Variants in NHLRC2 observed in about 807,000 individuals in gnomAD.
NHLRC2 encodes the protein NHL repeat-containing protein 2.
A neutral mutation model predicts 68.1 loss-of-function variants in NHLRC2; 33 were observed. The ratio of observed to expected loss-of-function variants is 0.48; its 90% CI spans 0.37 to 0.65. NHLRC2 has a LOEUF of 0.65. Ranked by LOEUF, NHLRC2 falls within the 30% of genes least tolerant of loss-of-function variation. NHLRC2 has a pLI of 0.00. For missense variants in NHLRC2, 761 were observed against 853.8 expected, an observed-to-expected ratio of 0.89 and a Z score of 1.35; for synonymous variants, 311 against 309.6, an observed-to-expected ratio of 1.00 and a Z score of -0.05.
rs183244652 is a variant in NHLRC2 at position 113,908,621 on chromosome 10, G to T, written c.*85G>T. 6.6e-6 allele frequency: 9 copies of T among 1,358,318 alleles called. No homozygotes were observed. The East Asian group carries it at 1.7e-4, about 25-fold the overall frequency. 84.1% of individuals were successfully genotyped at this position (1,358,318 alleles called of 1,614,324 possible). A position where few individuals can be genotyped will look rare whatever the true frequency, so the allele number is the denominator to read the frequency against. On this transcript the variant is annotated 3_prime_UTR_variant, in exon 11 of 11. Transcript: ENST00000369301. ...TGTAATTTAAGGAAAGAAAACTTCAGTTCTGCCTCTGGATACCAAGATGCC... is the reference window on the plus strand; with the variant it reads ...TGTAATTTAAGGAAAGAAAACTTCATTTCTGCCTCTGGATACCAAGATGCC...
At chr10:113,891,384 T>A (rs1232927760) in intron 5 of NHLRC2, among the ~76,000 whole-genome samples, 1 of 152,194 alleles carries the variant, frequency 6.6e-6, no homozygotes, top group Non-Finnish European at 1.5e-5. Context: ...CGGGTAATGT[T>A]TTTGCTTTTA....
intron 5 of NHLRC2, among the ~76,000 whole-genome samples, chr10:113,891,088 A>T (rs907641758): frequency 3.9e-5 from 6 of 152,174 alleles, no homozygotes; most frequent in African/African-American, 1.4e-4. Flanking sequence ...GGGGATTACA[A>T]TTCAGATTAC....
At chr10:113,904,473 A>G (rs566340526) in intron 9 of NHLRC2, among the ~76,000 whole-genome samples, 4 of 152,310 alleles carry the variant, frequency 2.6e-5, no homozygotes, top group African/African-American at 9.6e-5. Flanking sequence ...GATGAATAAC[A>G]TCTTCTTATA....
intron 2 of NHLRC2, among the ~76,000 whole-genome samples, chr10:113,864,798 A>G (rs914505359): frequency 2.0e-5 from 3 of 151,846 alleles, no homozygotes; most frequent in South Asian, 4.1e-4. Context: ...GGAGGGTTAC[A>G]CTCAGTGGTT....
At chr10:113,863,194 AT>A (rs1564850184) in intron 2 of NHLRC2, among the ~76,000 whole-genome samples, 1 of 152,196 alleles carries the variant, frequency 6.6e-6, no homozygotes, top group African/African-American at 2.4e-5. Context: ...CGTATGGGAC[AT>A]TTTCCAGGAT....
intron 5 of NHLRC2, among the ~76,000 whole-genome samples, chr10:113,892,354 A>C (rs564363005): frequency 6.6e-6 from 1 of 152,296 alleles, no homozygotes; most frequent in Admixed American, 6.5e-5. Context: ...GTTTTAAAAA[A>C]TTTTTAATTT....
chr10:113,862,592 A>C lies in NHLRC2; in HGVS notation c.331+3912A>C, dbSNP rs180723659. ...GTCCCTCTTTGTCAATAATTACTTT[A>C]AATGTAAATGGATTAAGTCTTCTAA... On this transcript the variant is annotated intron_variant, in intron 2 of 10. Transcript: ENST00000369301. Among the ~76,000 whole-genome samples, 3 of 152,214 alleles carry C rather than the reference A, an allele frequency of 2.0e-5. No individual in the cohort carries two copies. In the East Asian group the frequency reaches 5.8e-4, roughly 29 times the overall value.
intron 5 of NHLRC2, among the ~76,000 whole-genome samples, chr10:113,888,053 G>T (rs540736595): frequency 6.6e-6 from 1 of 152,190 alleles, no homozygotes; most frequent in Non-Finnish European, 1.5e-5. Flanking sequence ...AACATAGCAA[G>T]ACACTATTTC....
intron 5 of NHLRC2, 71 bp downstream of exon 5, chr10:113,884,451 G>C: frequency 7.8e-7 from 1 of 1,278,510 alleles, no homozygotes; most frequent in South Asian, 1.3e-5. Context: ...TATTCTTGAG[G>C]TGGTCATTTG....
intron 2 of NHLRC2, among the ~76,000 whole-genome samples, chr10:113,867,799 A>G (rs901910575): frequency 6.6e-6 from 1 of 152,054 alleles, no homozygotes; most frequent in African/African-American, 2.4e-5. Flanking sequence ...AATAGTCTCA[A>G]TCCTTGCATT....
intron 5 of NHLRC2, among the ~76,000 whole-genome samples, chr10:113,893,458 A>G (rs998282359): frequency 3.3e-5 from 5 of 152,208 alleles, no homozygotes; most frequent in African/African-American, 1.2e-4. Flanking sequence ...TGATAATAAG[A>G]CTTGTTAAGG....
In NHLRC2 at chr10:113,876,858, G is replaced by C; in HGVS notation, c.669G>C (p.Leu223Phe). 6.2e-7 allele frequency: 1 copy of C among 1,612,192 alleles called. No homozygotes were observed. The highest frequency in any genetic ancestry group is 8.5e-7 in the Non-Finnish European group (1 of 1,178,538). ...LYKDSLPPSP[L>F]LFPGKVTVDQ... Reference sequence around the variant, plus strand: ...AAGATTCTTTGCCACCTTCACCATTGCTATTTCCTGGCAAAGTAACAGTAG... The same window carrying C: ...AAGATTCTTTGCCACCTTCACCATTCCTATTTCCTGGCAAAGTAACAGTAG... Residue 223 changes from leucine to phenylalanine, a missense_variant, in exon 3 of 11, where the codon TTG becomes TTC. Leu to Phe is a conservative substitution (Grantham distance 22). Coordinates refer to ENST00000369301, the MANE Select transcript of NHLRC2 (RefSeq NM_198514.4).
chr10:113,897,588 T>C (rs938173463), intron 5 of NHLRC2, among the ~76,000 whole-genome samples: 1 of 152,208 alleles, frequency 6.6e-6, no homozygotes, highest in Non-Finnish European at 1.5e-5. Flanking sequence ...CAGAATATTT[T>C]ATGAGCTTAG....
intron 1 of NHLRC2, 68 bp from the exon 2 acceptor site, chr10:113,858,454 CATTTTA>C (rs1241641067): frequency 1.9e-6 from 2 of 1,053,590 alleles, no homozygotes; most frequent in African/African-American, 3.2e-5. Context: ...AAAAAGGTCA[CATTTTA>C]ATGGAAAGTT....
intron 8 of NHLRC2, 53 bp from the exon 9 acceptor site, chr10:113,903,474 A>T (rs888263590): frequency 2.6e-6 from 3 of 1,134,074 alleles, no homozygotes; most frequent in Non-Finnish European, 4.0e-6. Flanking sequence ...CTTCCATACA[A>T]CAAACATGAG....
intron 1 of NHLRC2, among the ~76,000 whole-genome samples, chr10:113,856,309 T>C (rs1845757946): frequency 6.6e-6 from 1 of 152,214 alleles, no homozygotes; most frequent in Non-Finnish European, 1.5e-5. Flanking sequence ...AGAATTCAGT[T>C]ATCTCATGGG....
chr10:113,883,854 GT>G (rs1846057635), intron 4 of NHLRC2, among the ~76,000 whole-genome samples: 1 of 151,968 alleles, frequency 6.6e-6, no homozygotes, highest in South Asian at 2.1e-4. Flanking sequence ...CTTGGCACAT[GT>G]AAGTTTTAAT....
chr10:113,896,926 G>A (rs998219125), intron 5 of NHLRC2, among the ~76,000 whole-genome samples: 17 of 151,426 alleles, frequency 1.1e-4, no homozygotes, highest in African/African-American at 3.4e-4. Flanking sequence ...CCTGGGAGGC[G>A]GAGCTTGCAG....
At chr10:113,884,190 A>T in intron 4 of NHLRC2, 61 bp from the exon 5 acceptor site, 1 of 1,514,842 alleles carries the variant, frequency 6.6e-7, no homozygotes, top group Non-Finnish European at 9.0e-7. Context: ...ATCTTTACAC[A>T]GCAAAAGACA....
Sources: allele counts gnomAD v4.1 joint callset (sites outside exome capture counted in the v4.1 genomes callset), GRCh38; gene constraint gnomAD v4.1.1; transcripts MANE v1.5; gene names NCBI Gene and HGNC (gene_info 2026-07-23, HGNC 2026-07-21).